Variants in SIPA1L2 observed in about 807,000 individuals in gnomAD.
SIPA1L2 encodes the protein signal induced proliferation associated 1 like 2.
Under a neutral mutation model 163.9 loss-of-function variants are expected in SIPA1L2, and 56 were observed. The ratio of observed to expected loss-of-function variants is 0.34; its 90% CI spans 0.28 to 0.43. SIPA1L2 has a LOEUF of 0.43. Among genes scored for constraint, SIPA1L2 ranks in the 20% least tolerant of loss-of-function variants. SIPA1L2 has a pLI of 1.00. For missense variants in SIPA1L2, 1,974 were observed against 2,193.5 expected, an observed-to-expected ratio of 0.90 and a Z score of 2.00; for synonymous variants, 877 against 865.7, an observed-to-expected ratio of 1.01 and a Z score of -0.23.
At chr1:232,575,591 A>AT (rs1660035695) in intron 1 of SIPA1L2, among the ~76,000 whole-genome samples, 1 of 152,156 alleles carries the variant, frequency 6.6e-6, no homozygotes, top group African/African-American at 2.4e-5. Context: ...GAGTTTAAAA[A>AT]TCTGATGCAT....
intron 18 of SIPA1L2, among the ~76,000 whole-genome samples, chr1:232,418,237 GA>G (rs1661372861): frequency 6.6e-6 from 1 of 152,170 alleles, no homozygotes; most frequent in Non-Finnish European, 1.5e-5. Flanking sequence ...CAGTAGACAA[GA>G]GGGGTAAAAT....
chr1:232,445,976 A>G (rs959570418), intron 10 of SIPA1L2, among the ~76,000 whole-genome samples, 190 bp from the exon 11 acceptor site: 2 of 152,116 alleles, frequency 1.3e-5, no homozygotes, highest in African/African-American at 4.8e-5. Context: ...ACACTATTCA[A>G]TTCCTCTTCT....
intron 7 of SIPA1L2, among the ~76,000 whole-genome samples, chr1:232,474,482 A>G (rs1397375160): frequency 6.6e-6 from 1 of 152,188 alleles, no homozygotes; most frequent in East Asian, 1.9e-4. Flanking sequence ...CCAGTATCTC[A>G]CAAGACCAGT....
At position 232,505,837 on chromosome 1, in the gene SIPA1L2, T is replaced by C. The variant is rs112551507; in HGVS notation, c.1483+8020A>G. Among the ~76,000 whole-genome samples, 358 of 152,256 alleles carry C rather than the reference T, an allele frequency of 2.4e-3. 2 individuals are homozygous for C. Among genetic ancestry groups the C allele is most frequent in the African/African-American group, 8.0e-3 (332 of 41,544 alleles). On this transcript the variant is annotated intron_variant, in intron 3 of 22. Transcript: ENST00000674635. The stretch of plus-strand genomic sequence containing the variant: ...GATTATGTCTTCAGAGGGAGGAATG[T>C]GTATCTTAGAATAGTACTATTGTTA...
At chr1:232,600,270 A>G (rs778526874) in intron 1 of SIPA1L2, among the ~76,000 whole-genome samples, 5 of 151,932 alleles carry the variant, frequency 3.3e-5, no homozygotes, top group Non-Finnish European at 5.9e-5. Flanking sequence ...CTGCTGTGCT[A>G]TAGTAGCAGA....
chr1:232,471,337 T>A (rs1246192470), intron 8 of SIPA1L2, 34 bp downstream of exon 8: 3 of 1,576,490 alleles, frequency 1.9e-6, no homozygotes, highest in Non-Finnish European at 2.6e-6. Context: ...GAAATAAACC[T>A]GGGAGAATGA....
intron 15 of SIPA1L2, among the ~76,000 whole-genome samples, chr1:232,433,745 A>C (rs1662387673): frequency 6.6e-6 from 1 of 152,220 alleles, no homozygotes; most frequent in African/African-American, 2.4e-5. Flanking sequence ...TAAATATGAA[A>C]AATTTTAAGA....
At chr1:232,460,785 A>C in intron 10 of SIPA1L2, 102 bp downstream of exon 10, 10 of 1,396,246 alleles carry the variant, frequency 7.2e-6, no homozygotes, top group African/African-American at 1.4e-5. Context: ...ACAAAGACAC[A>C]CTTGACTGCA....
chr1:232,630,408 G>A (rs1230951689), upstream of SIPA1L2, among the ~76,000 whole-genome samples: 2 of 152,132 alleles, frequency 1.3e-5, no homozygotes, highest in Non-Finnish European at 2.9e-5. Flanking sequence ...CGCTGGGCGA[G>A]CTCGAGGGCC....
intron 8 of SIPA1L2, among the ~76,000 whole-genome samples, chr1:232,466,245 A>G (rs1393035758): frequency 1.3e-5 from 2 of 152,198 alleles, no homozygotes; most frequent in Non-Finnish European, 2.9e-5. Context: ...ACAAGAGCCA[A>G]AAGTTTTAAG....
At chr1:232,419,368 CTGTTTTTGTTTT>C (rs1202488160) in intron 18 of SIPA1L2, among the ~76,000 whole-genome samples, 1 of 152,108 alleles carries the variant, frequency 6.6e-6, no homozygotes, top group Admixed American at 6.5e-5. Flanking sequence ...AATTACTATT[CTGTTTTTGTTTT>C]TGTTTTTTTG....
chr1:232,601,354 C>T (rs539137081), intron 1 of SIPA1L2, among the ~76,000 whole-genome samples: 1 of 152,330 alleles, frequency 6.6e-6, no homozygotes, highest in East Asian at 1.9e-4. Flanking sequence ...CTCACCTTCC[C>T]TATGTAACTC....
At chr1:232,621,758 G>C (rs1462080036) in intron 1 of SIPA1L2, among the ~76,000 whole-genome samples, 1 of 150,750 alleles carries the variant, frequency 6.6e-6, no homozygotes, top group African/African-American at 2.4e-5. Context: ...TTGTGACAGG[G>C]TCTCACTCTG....
intron 1 of SIPA1L2, among the ~76,000 whole-genome samples, chr1:232,627,237 G>A (rs942587113): frequency 1.3e-5 from 2 of 152,162 alleles, no homozygotes; most frequent in Non-Finnish European, 1.5e-5. Context: ...GGGGCAAGGG[G>A]CTGTATCCAC....
intron 1 of SIPA1L2, among the ~76,000 whole-genome samples, chr1:232,581,953 A>C (rs2102805994): frequency 6.6e-6 from 1 of 152,362 alleles, no homozygotes; most frequent in Non-Finnish European, 1.5e-5. Context: ...CTCACTTAGA[A>C]TACTACTTGT....
chr1:232,515,796 C>T (rs1275094311), intron 2 of SIPA1L2, among the ~76,000 whole-genome samples, 188 bp from the exon 3 acceptor site: 1 of 152,212 alleles, frequency 6.6e-6, no homozygotes, highest in Non-Finnish European at 1.5e-5. Context: ...ATAAAATTCA[C>T]ACCATACAAT....
At chr1:232,527,429 TCACTAG>T (rs1667760139) in intron 2 of SIPA1L2, among the ~76,000 whole-genome samples, 1 of 152,188 alleles carries the variant, frequency 6.6e-6, no homozygotes, top group Admixed American at 6.5e-5. Context: ...CCATTTTAAT[TCACTAG>T]GCACAGGGAG....
intron 10 of SIPA1L2, among the ~76,000 whole-genome samples, 191 bp from the exon 11 acceptor site, chr1:232,445,977 T>C (rs1329268691): frequency 6.6e-6 from 1 of 152,170 alleles, no homozygotes; most frequent in East Asian, 1.9e-4. Context: ...CACTATTCAA[T>C]TCCTCTTCTG....
intron 1 of SIPA1L2, among the ~76,000 whole-genome samples, chr1:232,613,138 T>G (rs552410835): frequency 6.6e-6 from 1 of 152,196 alleles, no homozygotes; most frequent in African/African-American, 2.4e-5. Context: ...TCCGCAGCCA[T>G]GTGAAACTGT....
Sources: allele counts gnomAD v4.1 joint callset (sites outside exome capture counted in the v4.1 genomes callset), GRCh38; gene constraint gnomAD v4.1.1; transcripts MANE v1.5; gene names NCBI Gene and HGNC (gene_info 2026-07-23, HGNC 2026-07-21).